ZNF410: variants seen among roughly 807,000 people sequenced by gnomAD.
ZNF410 encodes the protein another partner for ARF 1.
In ZNF410, 18 loss-of-function variants were observed where a neutral mutation model predicts 54.8. The observed-to-expected ratio is 0.33, with a 90% CI of 0.23 to 0.49. The LOEUF (loss-of-function observed/expected upper bound fraction) is 0.49. Ranked by LOEUF, ZNF410 falls within the 20% of genes least tolerant of loss-of-function variation. ZNF410 has a pLI of 0.99. For synonymous variants in ZNF410, 191 were observed against 207.3 expected (o/e 0.92, Z 0.68); for missense variants, 405 against 569.6 (o/e 0.71, Z 2.94).
At chr14:73,892,846 C>T (rs901116940) in intron 2 of ZNF410, among the ~76,000 whole-genome samples, 28 of 152,022 alleles carry the variant, frequency 1.8e-4, no homozygotes, top group African/African-American at 5.3e-4. Context: ...TTTGGGAGGC[C>T]GAGGCAGGTG....
chr14:73,898,544 G>A (rs976737075), intron 5 of ZNF410: 23 of 507,978 alleles, frequency 4.5e-5, no homozygotes, highest in African/African-American at 3.7e-4. Context: ...TGTTTTTATT[G>A]TAATGTCTCT....
intron 11 of ZNF410, among the ~76,000 whole-genome samples, chr14:73,924,306 A>G (rs1210074010): frequency 6.6e-6 from 1 of 152,148 alleles, no homozygotes; most frequent in Admixed American, 6.5e-5. Flanking sequence ...CTGACAGGAG[A>G]GGTGGAGCTC....
In ZNF410 at chr14:73,932,412, C is replaced by G. The variant is rs764759933; in HGVS notation, c.*871C>G. 1.1e-5 allele frequency: 5 copies of G among 451,088 alleles called. No individual in the cohort carries two copies. Among genetic ancestry groups the G allele is most frequent in the Non-Finnish European group, 1.8e-5 (4 of 225,774 alleles). The allele number at this position is 451,088 out of a possible 1,614,324, so 27.9% of individuals were successfully genotyped here. A position where few individuals can be genotyped will look rare whatever the true frequency, so the allele number is the denominator to read the frequency against. ...AACTGAACCGAGGAGTCTTAGGAAA[C>G]AACAAGAACATCTTCATTTCTTAAG... On this transcript the variant is annotated 3_prime_UTR_variant, in exon 12 of 12. Transcript: ENST00000555044.
At chr14:73,894,161 C>T (rs1249798869) in intron 3 of ZNF410, among the ~76,000 whole-genome samples, 1 of 151,970 alleles carries the variant, frequency 6.6e-6, no homozygotes, top group Non-Finnish European at 1.5e-5. Context: ...AAGGTCAGTG[C>T]AAAACTATGG....
chr14:73,896,892 C>G (rs2055325856), intron 4 of ZNF410, among the ~76,000 whole-genome samples: 1 of 152,126 alleles, frequency 6.6e-6, no homozygotes, highest in Non-Finnish European at 1.5e-5. Flanking sequence ...CTAGAAAGGT[C>G]TGTTTTGGTG....
intron 2 of ZNF410, among the ~76,000 whole-genome samples, chr14:73,892,806 T>C (rs892324534): frequency 1.3e-5 from 2 of 152,068 alleles, no homozygotes; most frequent in Non-Finnish European, 2.9e-5. Context: ...TAAGTTTGGG[T>C]GCGGTGGCTC....
chr14:73,928,202 G>T (rs924759807), intron 11 of ZNF410, among the ~76,000 whole-genome samples: 1 of 152,176 alleles, frequency 6.6e-6, no homozygotes, highest in African/African-American at 2.4e-5. Context: ...ATATGTTTTA[G>T]AGTTTAAGTT....
At chr14:73,927,854 T>C (rs2055856882) in intron 11 of ZNF410, 1 of 154,656 alleles carries the variant, frequency 6.5e-6, no homozygotes, top group Non-Finnish European at 1.4e-5. Context: ...TTTTTAATTT[T>C]TTAGACGGAG....
In ZNF410 at chr14:73,903,793, G is replaced by C. The variant is rs1438790441; in HGVS notation, c.581-167G>C. On this transcript the variant is annotated intron_variant, in intron 5 of 11. Coordinates refer to ENST00000555044, the MANE Select transcript of ZNF410 (RefSeq NM_021188.3). ...TTGGGATTATAGGTGTGAGCACCAT[G>C]CCTGGCCAAGTTTCTGCTGTTAAGT... is the stretch of plus-strand genomic sequence containing the variant. The C allele has an allele frequency of 2.7e-5, 25 of 915,562 alleles. No individual in the cohort carries two copies. The South Asian group carries it at 4.2e-4, about 16-fold the overall frequency. The allele number at this position is 915,562 out of a possible 1,614,324, so 56.7% of individuals were successfully genotyped here.
chr14:73,930,402 A>G (rs1443008371), intron 11 of ZNF410, among the ~76,000 whole-genome samples: 2 of 152,170 alleles, frequency 1.3e-5, no homozygotes, highest in Admixed American at 6.5e-5. Flanking sequence ...GCCTCAAGCA[A>G]TCCTCCTCCC....
At chr14:73,891,725 G>A (rs896444562) in intron 1 of ZNF410, 3 of 347,212 alleles carry the variant, frequency 8.6e-6, no homozygotes, top group South Asian at 3.6e-5. Context: ...GTGTGTGTGT[G>A]TATACATTGC....
At chr14:73,895,943 G>C (rs2055310793) in intron 3 of ZNF410, among the ~76,000 whole-genome samples, 1 of 152,172 alleles carries the variant, frequency 6.6e-6, no homozygotes, top group Non-Finnish European at 1.5e-5. Flanking sequence ...CTCTCTCCAG[G>C]AAAAATAAAA....
chr14:73,929,975 T>C (rs1026443959), intron 11 of ZNF410, among the ~76,000 whole-genome samples: 2 of 152,180 alleles, frequency 1.3e-5, no homozygotes, highest in African/African-American at 2.4e-5. Context: ...CCCCAGGGCT[T>C]TTGGGCTGTC....
rs1192876254 is a variant in ZNF410, at chr14:73,922,189, T to C, written c.1253T>C (p.Ile418Thr). 1 of 1,613,816 alleles carries C rather than the reference T, an allele frequency of 6.2e-7. No homozygotes were observed. Among genetic ancestry groups the C allele is most frequent in the South Asian group, 1.1e-5 (1 of 91,030 alleles). ...TTGAACCTACCAAATACCAATTCTATCCTGGGAGTTGATGATGGTAAGACT... is the reference window on the plus strand; with the variant it reads ...TTGAACCTACCAAATACCAATTCTACCCTGGGAGTTGATGATGGTAAGACT... ...ESLNLPNTNS[I>T]LGVDDEVLAE... Residue 418 changes from isoleucine (I) to threonine (T), a missense_variant, in exon 10 of 12, where the codon ATC becomes ACC. Coordinates refer to ENST00000555044, the MANE Select transcript of ZNF410 (RefSeq NM_021188.3).
chr14:73,914,471 GC>G, intron 8 of ZNF410: 1 of 152,682 alleles, frequency 6.5e-6, no homozygotes, highest in Non-Finnish European at 1.5e-5. Flanking sequence ...ACCGTGCCTG[GC>G]CCCCAGCTAG....
At chr14:73,900,186 T>C (rs1283099442) in intron 5 of ZNF410, among the ~76,000 whole-genome samples, 6 of 149,992 alleles carry the variant, frequency 4.0e-5, no homozygotes, top group African/African-American at 1.5e-4. Context: ...AGAGCGAAAC[T>C]TGGTCTCCCA....
chr14:73,925,514 G>A (rs1244880482), intron 11 of ZNF410, among the ~76,000 whole-genome samples: 27 of 151,294 alleles, frequency 1.8e-4, no homozygotes, highest in African/African-American at 6.6e-4. Context: ...TGCAACCTCC[G>A]CCTCTCAGGT....
At chr14:73,924,184 C>T (rs1031169641) in intron 11 of ZNF410, among the ~76,000 whole-genome samples, 9 of 152,156 alleles carry the variant, frequency 5.9e-5, no homozygotes, top group African/African-American at 2.2e-4. Flanking sequence ...TTTCGTTTCA[C>T]CTCAGGTCAT....
intron 8 of ZNF410, among the ~76,000 whole-genome samples, chr14:73,917,407 G>A (rs747746584): frequency 6.2e-4 from 94 of 152,074 alleles, no homozygotes; most frequent in Middle Eastern, 3.4e-3. Context: ...TCTCTTATAG[G>A]TATAAACACT....
Sources: gnomAD v4.1 joint callset for allele counts (sites outside exome capture counted in the v4.1 genomes callset) on GRCh38, gnomAD v4.1.1 for gene constraint, MANE v1.5 for transcripts, NCBI Gene and HGNC (gene_info 2026-07-23, HGNC 2026-07-21) for gene names.